The following TMEM108 variants were observed in gnomAD, a reference collection of about 807,000 sequenced individuals.
TMEM108 encodes the protein transmembrane protein 108.
In TMEM108, 12 loss-of-function variants were observed where a neutral mutation model predicts 35.1. That is an observed-to-expected ratio of 0.34 (90% CI 0.22 to 0.55). The LOEUF is 0.55. TMEM108 is among the 20% of genes least tolerant of loss of function. TMEM108 has a pLI of 0.89. For missense variants in TMEM108, 680 were observed against 753.3 expected, an observed-to-expected ratio of 0.90 and a Z score of 1.14; for synonymous variants, 287 against 308.6, an observed-to-expected ratio of 0.93 and a Z score of 0.73.
At chr3:133,129,511 G>A (rs1446276973) in intron 2 of TMEM108, among the ~76,000 whole-genome samples, 1 of 152,168 alleles carries the variant, frequency 6.6e-6, no homozygotes, top group Non-Finnish European at 1.5e-5. Context: ...AGCTGCTCTG[G>A]TTGGAGGCCA....
intron 2 of TMEM108, among the ~76,000 whole-genome samples, chr3:133,194,755 A>T (rs1208619262): frequency 6.6e-6 from 1 of 152,194 alleles, no homozygotes; most frequent in Non-Finnish European, 1.5e-5. Flanking sequence ...CCTGGTTTTA[A>T]ATGCAATCTC....
intron 3 of TMEM108, among the ~76,000 whole-genome samples, chr3:133,324,508 A>C (rs2071305808): frequency 6.6e-6 from 1 of 152,232 alleles, no homozygotes; most frequent in African/African-American, 2.4e-5. Context: ...TAATTTAAAA[A>C]ATCAATAAAT....
chr3:133,270,561 GC>G (rs1946755515), intron 3 of TMEM108, among the ~76,000 whole-genome samples: 1 of 152,056 alleles, frequency 6.6e-6, no homozygotes, highest in South Asian at 2.1e-4. Context: ...GCTGCTTTTG[GC>G]TGCTGGATGG....
At chr3:133,307,354 G>C (rs567312250) in intron 3 of TMEM108, among the ~76,000 whole-genome samples, 1 of 152,014 alleles carries the variant, frequency 6.6e-6, no homozygotes, top group Non-Finnish European at 1.5e-5. Context: ...TTTCTTTGCC[G>C]TGCAGAAGCT....
chr3:133,065,235 AGT>A (rs781150967), intron 2 of TMEM108, among the ~76,000 whole-genome samples: 12 of 152,136 alleles, frequency 7.9e-5, no homozygotes, highest in Non-Finnish European at 1.5e-4. Context: ...GGACTCCAAA[AGT>A]GTGGTTGTGT....
intron 3 of TMEM108, among the ~76,000 whole-genome samples, chr3:133,267,790 G>A (rs935157025): frequency 6.6e-6 from 1 of 152,204 alleles, no homozygotes; most frequent in African/African-American, 2.4e-5. Flanking sequence ...TCTTTACCAT[G>A]TGTGTCTCTT....
rs145760578 is a variant in TMEM108 at position 133,162,694 on chromosome 3, C to G, written c.-46-66572C>G. On this transcript the variant is annotated intron_variant, in intron 2 of 5. Transcript: ENST00000321871. ...AAAATATCCAGGTCTGCCAGAGCATCTTTTCTGAGCCCTTGGCTTCATTAA... is the reference window on the plus strand; with the variant it reads ...AAAATATCCAGGTCTGCCAGAGCATGTTTTCTGAGCCCTTGGCTTCATTAA... 3.9e-5 allele frequency among the ~76,000 whole-genome samples: 6 copies of G among 152,338 alleles called. No individual in the cohort carries two copies. In the East Asian group the frequency reaches 1.2e-3, roughly 29 times the overall value.
intron 2 of TMEM108, among the ~76,000 whole-genome samples, chr3:133,097,513 A>G (rs1255782520): frequency 6.6e-6 from 1 of 152,230 alleles, no homozygotes; most frequent in Non-Finnish European, 1.5e-5. Context: ...CTGCATGTTC[A>G]TCACTCCCTA....
chr3:133,213,686 C>A (rs1256950455), intron 2 of TMEM108, among the ~76,000 whole-genome samples: 1 of 152,054 alleles, frequency 6.6e-6, no homozygotes, highest in Non-Finnish European at 1.5e-5. Context: ...TTTTTGCCTT[C>A]ATTTCCAGGA....
chr3:133,115,690 TG>T (rs1405586561), intron 2 of TMEM108, among the ~76,000 whole-genome samples: 1 of 152,238 alleles, frequency 6.6e-6, no homozygotes, highest in Non-Finnish European at 1.5e-5. Flanking sequence ...AAATAATACA[TG>T]TTTTTTCTTT....
chr3:133,160,662 A>G (rs1944948408), intron 2 of TMEM108, among the ~76,000 whole-genome samples: 1 of 151,984 alleles, frequency 6.6e-6, no homozygotes, highest in African/African-American at 2.4e-5. Flanking sequence ...TCAGTTGGCA[A>G]TTCCTTGCTG....
At chr3:133,374,180 G>GT (rs1468024798) in intron 3 of TMEM108, among the ~76,000 whole-genome samples, 1 of 152,124 alleles carries the variant, frequency 6.6e-6, no homozygotes, top group Non-Finnish European at 1.5e-5. Context: ...CATCAAGGCA[G>GT]TAACAAAGGC....
At chr3:133,093,993 G>A (rs545189566) in intron 2 of TMEM108, among the ~76,000 whole-genome samples, 1 of 152,154 alleles carries the variant, frequency 6.6e-6, no homozygotes, top group East Asian at 1.9e-4. Context: ...CAGACACCTG[G>A]GTAGATTAAC....
intron 2 of TMEM108, among the ~76,000 whole-genome samples, chr3:133,178,744 C>T (rs1335584881): frequency 6.6e-6 from 1 of 152,288 alleles, no homozygotes; most frequent in South Asian, 2.1e-4. Flanking sequence ...AAGACATAGG[C>T]ATGGGCAAGG....
At chr3:133,343,687 G>A (rs544930662) in intron 3 of TMEM108, among the ~76,000 whole-genome samples, 3 of 151,852 alleles carry the variant, frequency 2.0e-5, no homozygotes, top group African/African-American at 7.2e-5. Flanking sequence ...TGGGGGAGGA[G>A]GGTCAGGGTG....
intron 3 of TMEM108, among the ~76,000 whole-genome samples, chr3:133,368,540 T>C (rs904862292): frequency 6.6e-6 from 1 of 152,198 alleles, no homozygotes; most frequent in African/African-American, 2.4e-5. Flanking sequence ...AGCTTTCTCC[T>C]GCCTCACTCT....
intron 2 of TMEM108, among the ~76,000 whole-genome samples, chr3:133,048,083 T>A (rs995405230): frequency 6.6e-6 from 1 of 152,110 alleles, no homozygotes; most frequent in Non-Finnish European, 1.5e-5. Flanking sequence ...ATGAAAACTT[T>A]CCTTTGCAAA....
At chr3:133,143,718 G>A (rs1003829308) in intron 2 of TMEM108, among the ~76,000 whole-genome samples, 9 of 152,034 alleles carry the variant, frequency 5.9e-5, no homozygotes, top group Non-Finnish European at 1.2e-4. Flanking sequence ...GCACTGAAAT[G>A]GGCTGCAGGG....
At chr3:133,048,308 G>A (rs1206757443) in intron 2 of TMEM108, among the ~76,000 whole-genome samples, 1 of 152,164 alleles carries the variant, frequency 6.6e-6, no homozygotes, top group Non-Finnish European at 1.5e-5. Flanking sequence ...AAAGACCAGA[G>A]AATGTTTGGA....
Sources: gnomAD v4.1 joint callset for allele counts (sites outside exome capture counted in the v4.1 genomes callset) on GRCh38, gnomAD v4.1.1 for gene constraint, MANE v1.5 for transcripts, NCBI Gene and HGNC (gene_info 2026-07-23, HGNC 2026-07-21) for gene names.